The following EFNA5 variants were observed in gnomAD, a reference collection of about 807,000 sequenced individuals.
EFNA5 encodes the protein ephrin A5.
Under a neutral mutation model 22.9 loss-of-function variants are expected in EFNA5, and 5 were observed. That is an observed-to-expected ratio of 0.22 (90% CI 0.11 to 0.46). The LOEUF (loss-of-function observed/expected upper bound fraction) is 0.46, where lower values mean the gene tolerates loss of function less well. Ranked by LOEUF, EFNA5 falls within the 20% of genes least tolerant of loss-of-function variation. The pLI is 0.99. For synonymous variants in EFNA5, 113 were observed against 112.2 expected (o/e 1.01, Z -0.04); for missense variants, 237 against 293.3 (o/e 0.81, Z 1.40).
intron 1 of EFNA5, among the ~76,000 whole-genome samples, chr5:107,478,555 G>A (rs967555407): frequency 6.6e-6 from 1 of 152,116 alleles, no homozygotes; most frequent in Non-Finnish European, 1.5e-5. Flanking sequence ...CTCAGACAAC[G>A]AATACATTTT....
chr5:107,468,795 GA>G (rs78326883), intron 1 of EFNA5, among the ~76,000 whole-genome samples: 26,245 of 148,876 alleles, frequency 0.18, 2,993 homozygotes, highest in South Asian at 0.46. Context: ...AATTGAAAAG[GA>G]AAAAAAAAAT....
At chr5:107,624,022 T>C (rs1178737472) in intron 1 of EFNA5, among the ~76,000 whole-genome samples, 2 of 152,096 alleles carry the variant, frequency 1.3e-5, no homozygotes, top group Non-Finnish European at 2.9e-5. Flanking sequence ...AAATAGAATT[T>C]CTTTTGCTCT....
intron 1 of EFNA5, among the ~76,000 whole-genome samples, chr5:107,554,317 ATGT>A (rs1748362936): frequency 6.6e-6 from 1 of 152,244 alleles, no homozygotes; most frequent in Non-Finnish European, 1.5e-5. Flanking sequence ...CACATCTCAT[ATGT>A]ATCAGAAATA....
rs1021965182 is a variant in EFNA5 at position 107,540,837 on chromosome 5, G to A, written c.126-113328C>T. 5.9e-5 allele frequency among the ~76,000 whole-genome samples: 9 copies of A among 152,292 alleles called. No individual in the cohort carries two copies. The South Asian group carries it at 1.9e-3, about 32-fold the overall frequency. On this transcript the variant is annotated intron_variant, in intron 1 of 4. Coordinates refer to ENST00000333274, the MANE Select transcript of EFNA5 (RefSeq NM_001962.3). Reference sequence around the variant, plus strand: ...ATTTTAATCAAGAAAAAAAATTAAGGCTGGGTGCAGTGGCCCATGCCTGTA... The same window carrying A: ...ATTTTAATCAAGAAAAAAAATTAAGACTGGGTGCAGTGGCCCATGCCTGTA...
At chr5:107,651,192 CT>C (rs1473696305) in intron 1 of EFNA5, among the ~76,000 whole-genome samples, 1 of 152,118 alleles carries the variant, frequency 6.6e-6, no homozygotes, top group Non-Finnish European at 1.5e-5. Context: ...GCCAAGGGAC[CT>C]TTGGCTAGTA....
At chr5:107,557,041 G>C (rs352607) in intron 1 of EFNA5, among the ~76,000 whole-genome samples, 22,918 of 151,970 alleles carry the variant, frequency 0.15, 1,911 homozygotes, top group Middle Eastern at 0.23. Flanking sequence ...GAAATTAAAC[G>C]GCTGTTTGGG....
Position 107,572,927 on chromosome 5 carries a change from G to A in EFNA5, c.125+97562C>T, listed in dbSNP as rs1288259002. On this transcript the variant is annotated intron_variant, in intron 1 of 4. Coordinates refer to ENST00000333274, the MANE Select transcript of EFNA5 (RefSeq NM_001962.3). Reference sequence around the variant, plus strand: ...CAATGTCTTTGGCAGAAAATCCTATGTAATACTGGCTTGTGTGTTAAGCTC... The same window carrying A: ...CAATGTCTTTGGCAGAAAATCCTATATAATACTGGCTTGTGTGTTAAGCTC... Among the ~76,000 whole-genome samples the A allele has an allele frequency of 5.3e-5, 8 of 152,194 alleles. No individual in the cohort carries two copies. In the East Asian group the frequency reaches 7.7e-4, roughly 15 times the overall value.
intron 2 of EFNA5, among the ~76,000 whole-genome samples, chr5:107,404,980 G>A (rs1259032243): frequency 2.0e-5 from 3 of 152,186 alleles, no homozygotes; most frequent in Middle Eastern, 3.4e-3. Context: ...TGTAACTGTC[G>A]TACTCCTTTT....
chr5:107,452,681 T>G (rs153689), intron 1 of EFNA5, among the ~76,000 whole-genome samples: 4 of 151,978 alleles, frequency 2.6e-5, no homozygotes. Context: ...GAATCGTGAT[T>G]GAGCCACTGT....
chr5:107,619,081 C>G (rs1285080081), intron 1 of EFNA5, among the ~76,000 whole-genome samples: 1 of 151,930 alleles, frequency 6.6e-6, no homozygotes, highest in South Asian at 2.1e-4. Context: ...GACACCACGC[C>G]TGGCTAATTT....
At chr5:107,586,299 G>C (rs937675122) in intron 1 of EFNA5, among the ~76,000 whole-genome samples, 2 of 152,102 alleles carry the variant, frequency 1.3e-5, no homozygotes, top group Non-Finnish European at 1.5e-5. Flanking sequence ...AAGTAAGCTG[G>C]TCTTTTCTAT....
At chr5:107,472,663 CTG>C (rs1179211073) in intron 1 of EFNA5, among the ~76,000 whole-genome samples, 1 of 152,206 alleles carries the variant, frequency 6.6e-6, no homozygotes, top group Non-Finnish European at 1.5e-5. Context: ...ACTTGTCAGA[CTG>C]TGCAACAGGA....
chr5:107,536,620 G>A (rs187745250), intron 1 of EFNA5, among the ~76,000 whole-genome samples: 233 of 152,290 alleles, frequency 1.5e-3, no homozygotes, highest in Middle Eastern at 6.8e-3. Context: ...TGAATTCTAT[G>A]TCCAAATTCT....
chr5:107,597,843 G>T (rs557186988), intron 1 of EFNA5, among the ~76,000 whole-genome samples: 2 of 152,280 alleles, frequency 1.3e-5, no homozygotes, highest in East Asian at 1.9e-4. Flanking sequence ...TTCTTCAGCT[G>T]CTGATAATGC....
intron 1 of EFNA5, among the ~76,000 whole-genome samples, chr5:107,536,300 A>G (rs771934852): frequency 6.6e-6 from 1 of 152,248 alleles, no homozygotes; most frequent in Non-Finnish European, 1.5e-5. Flanking sequence ...CCCTCTACAC[A>G]GAGAAGAAAT....
intron 1 of EFNA5, among the ~76,000 whole-genome samples, chr5:107,617,249 GAGAGAGAGAA>G (rs1749942457): frequency 1.3e-5 from 2 of 151,004 alleles, no homozygotes; most frequent in African/African-American, 4.9e-5. Flanking sequence ...GAGAGAGAGA[GAGAGAGAGAA>G]AGAGAGAGAG....
intron 1 of EFNA5, among the ~76,000 whole-genome samples, chr5:107,521,456 C>CTATATATATA (rs56039409): frequency 9.6e-4 from 119 of 124,404 alleles, no homozygotes; most frequent in South Asian, 5.6e-3. Context: ...CCACACCTGG[C>CTATATATATA]TATATATATA....
chr5:107,405,210 C>G (rs2112393856), intron 2 of EFNA5, among the ~76,000 whole-genome samples: 1 of 152,326 alleles, frequency 6.6e-6, no homozygotes, highest in Non-Finnish European at 1.5e-5. Flanking sequence ...ATTTGGGCAG[C>G]CCTTGCCTGC....
At chr5:107,567,909 C>A (rs890576470) in intron 1 of EFNA5, among the ~76,000 whole-genome samples, 1 of 152,102 alleles carries the variant, frequency 6.6e-6, no homozygotes, top group African/African-American at 2.4e-5. Context: ...ATTTTATTTT[C>A]TTACAGTCAG....
Sources: allele counts gnomAD v4.1 joint callset (sites outside exome capture counted in the v4.1 genomes callset), GRCh38; gene constraint gnomAD v4.1.1; transcripts MANE v1.5; gene names NCBI Gene and HGNC (gene_info 2026-07-23, HGNC 2026-07-21).